Variants in MAF observed in about 807,000 individuals in gnomAD.
MAF encodes the protein MAF bZIP transcription factor, also known as transcription factor Maf.
MAF carries 10 observed loss-of-function variants against 22.0 expected under a neutral mutation model. The ratio of observed to expected loss-of-function variants is 0.45; its 90% CI spans 0.28 to 0.77. The LOEUF is 0.77. Ranked by LOEUF, MAF falls within the 30% of genes least tolerant of loss-of-function variation. MAF has a pLI of 0.12. For synonymous variants in MAF, 337 were observed against 255.8 expected (o/e 1.32, Z -3.03); for missense variants, 544 against 548.4 (o/e 0.99, Z 0.08).
the MAF span, among the ~76,000 whole-genome samples, chr16:79,262,750 C>A: frequency 3.3e-5 from 5 of 152,132 alleles, no homozygotes; most frequent in African/African-American, 1.2e-4. Context: ...CCATCCAGAG[C>A]CCCTTTGTTG....
At chr16:79,567,178 C>T in the MAF span, among the ~76,000 whole-genome samples, 2 of 152,160 alleles carry the variant, frequency 1.3e-5, no homozygotes, top group Non-Finnish European at 1.5e-5. Context: ...ATTAGACAGG[C>T]ATTGTGGCAG....
intron 1 of MAF, chr16:79,596,557 T>C (rs897606913): frequency 1.2e-5 from 13 of 1,048,096 alleles, no homozygotes; most frequent in East Asian, 5.6e-5. Flanking sequence ...GAAAAGCACA[T>C]AGGAACAACA....
chr16:79,477,883 C>G, the MAF span, among the ~76,000 whole-genome samples: 1 of 151,882 alleles, frequency 6.6e-6, no homozygotes, highest in Admixed American at 6.6e-5. Context: ...TGCCACCAGG[C>G]CAGCTAATTT....
chr16:79,281,922 A>G, the MAF span, among the ~76,000 whole-genome samples: 7 of 152,274 alleles, frequency 4.6e-5, no homozygotes, highest in East Asian at 3.9e-4. Flanking sequence ...AAGGACCACA[A>G]TGAGGATACT....
chr16:79,557,192 A>G, the MAF span, among the ~76,000 whole-genome samples: 3 of 145,314 alleles, frequency 2.1e-5, no homozygotes, highest in Non-Finnish European at 4.6e-5. Flanking sequence ...TTCCATTGCT[A>G]GTGCCAGCTA....
chr16:79,220,736 C>T, the MAF span, among the ~76,000 whole-genome samples: 1 of 152,180 alleles, frequency 6.6e-6, no homozygotes, highest in African/African-American at 2.4e-5. Flanking sequence ...ATATTTAAGG[C>T]TCTGGGTAGT....
chr16:79,448,082 C>A, the MAF span, among the ~76,000 whole-genome samples: 1 of 152,062 alleles, frequency 6.6e-6, no homozygotes, highest in Non-Finnish European at 1.5e-5. Flanking sequence ...ATATTCCATA[C>A]ACTTAGTTGA....
the MAF span, among the ~76,000 whole-genome samples, chr16:79,208,260 T>C: frequency 2.6e-5 from 4 of 152,296 alleles, no homozygotes; most frequent in Middle Eastern, 6.8e-3. Flanking sequence ...TCCCAGAAAT[T>C]CTCAGTCCTG....
chr16:79,493,428 C>T, the MAF span, among the ~76,000 whole-genome samples: 3 of 152,142 alleles, frequency 2.0e-5, no homozygotes, highest in Non-Finnish European at 2.9e-5. Context: ...GATCCACCCA[C>T]CTCAGCATCC....
chr16:79,454,348 C>T, the MAF span, among the ~76,000 whole-genome samples: 46 of 152,104 alleles, frequency 3.0e-4, no homozygotes, highest in South Asian at 9.4e-3. Context: ...CCTGCAGAGT[C>T]GAAGGAAGTC....
At chr16:79,438,182 G>C in the MAF span, among the ~76,000 whole-genome samples, 4 of 152,126 alleles carry the variant, frequency 2.6e-5, no homozygotes, top group Non-Finnish European at 4.4e-5. Context: ...CCCTTTGTGG[G>C]GGGTTCCCTC....
the MAF span, among the ~76,000 whole-genome samples, chr16:79,432,733 T>C: frequency 1.3e-5 from 2 of 151,848 alleles, no homozygotes; most frequent in Non-Finnish European, 2.9e-5. Flanking sequence ...AAAGTGAAAA[T>C]TTGGACATAC....
the MAF span, among the ~76,000 whole-genome samples, chr16:79,310,057 A>G: frequency 2.6e-5 from 4 of 152,140 alleles, no homozygotes; most frequent in South Asian, 8.3e-4. Context: ...ATATCAAATC[A>G]AGAATGAACT....
chr16:79,471,331 C>T, the MAF span, among the ~76,000 whole-genome samples: 1 of 152,194 alleles, frequency 6.6e-6, no homozygotes, highest in African/African-American at 2.4e-5. Context: ...CTCAGCACTC[C>T]CTGTTATTTT....
chr16:79,541,615 G>T, the MAF span, among the ~76,000 whole-genome samples: 19 of 151,236 alleles, frequency 1.3e-4, no homozygotes, highest in Non-Finnish European at 2.5e-4. Context: ...TTCAGACAAG[G>T]TTCTACCAGG....
the MAF span, among the ~76,000 whole-genome samples, chr16:79,324,986 C>T: frequency 6.6e-6 from 1 of 152,150 alleles, no homozygotes; most frequent in African/African-American, 2.4e-5. Context: ...GTGCTCCAAT[C>T]TCTGCCTCCA....
chr16:79,483,937 C>T, the MAF span, among the ~76,000 whole-genome samples: 4 of 152,238 alleles, frequency 2.6e-5, no homozygotes, highest in Admixed American at 2.0e-4. Flanking sequence ...ATGTGTTACC[C>T]CTCCTGGTAG....
chr16:79,589,924 G>A (rs1197311024), downstream of MAF, among the ~76,000 whole-genome samples: 1 of 152,140 alleles, frequency 6.6e-6, no homozygotes, highest in East Asian at 1.9e-4. Context: ...TGAGCGCACC[G>A]GCTCCCTGGG....
chr16:79,366,185 A>T, the MAF span, among the ~76,000 whole-genome samples: 2 of 152,220 alleles, frequency 1.3e-5, no homozygotes, highest in African/African-American at 4.8e-5. Flanking sequence ...GAATAGTATC[A>T]GGACATCTGA....
Sources: allele counts gnomAD v4.1 joint callset (sites outside exome capture counted in the v4.1 genomes callset), GRCh38; gene constraint gnomAD v4.1.1; transcripts MANE v1.5; gene names NCBI Gene and HGNC (gene_info 2026-07-23, HGNC 2026-07-21).